The following PITPNM2 variants were observed in gnomAD, a reference collection of about 807,000 sequenced individuals.
PITPNM2 encodes the protein membrane-associated phosphatidylinositol transfer protein 2.
In PITPNM2, 35 loss-of-function variants were observed where a neutral mutation model predicts 132.2. The ratio of observed to expected loss-of-function variants is 0.26; its 90% confidence interval spans 0.20 to 0.35. PITPNM2 has a LOEUF of 0.35. Among genes scored for constraint, PITPNM2 ranks in the 10% least tolerant of loss-of-function variants. The probability of loss-of-function intolerance (pLI) is 1.00; values close to 1 mark genes in which losing one functional copy is unlikely to be tolerated. For synonymous variants in PITPNM2, 738 were observed against 799.2 expected (o/e 0.92, Z 1.29); for missense variants, 1,332 against 1,912.0 (o/e 0.70, Z 5.66).
At position 123,119,795 on chromosome 12, in the gene PITPNM2, C is replaced by CT. The variant is rs112540065; in HGVS notation, c.-199-9308dup. ...AATATTTCTTCTTTTTCTTTTCTTTCTTTTTTTTTTTTTGAGTTTGGGGTG... is the reference window on the plus strand; with the variant it reads ...AATATTTCTTCTTTTTCTTTTCTTTCTTTTTTTTTTTTTTGAGTTTGGGGTG... On this transcript the variant is annotated intron_variant, in intron 1 of 25. Coordinates refer to ENST00000320201, the MANE Select transcript of PITPNM2 (RefSeq NM_020845.3). 6.7e-3 allele frequency among the ~76,000 whole-genome samples: 942 copies of CT among 141,080 alleles called. 2 individuals are homozygous for CT. The highest frequency in any genetic ancestry group is 0.023 in the East Asian group (110 of 4,792). The allele number at this position is 141,080 out of a possible 152,430, so 92.6% of individuals were successfully genotyped here.
chr12:123,000,508 TC>T lies in PITPNM2; in HGVS notation c.1224+269del. ...AATTTACAAGTTTCTCATTTTACTT[TC>T]CCATGGGTGGAGCTTGGATAAGGCT... On this transcript the variant is annotated intron_variant, in intron 10 of 25. Coordinates refer to ENST00000320201, the MANE Select transcript of PITPNM2 (RefSeq NM_020845.3). The surrounding 1 kb of genome is among the most constrained non-coding windows in gnomAD (Gnocchi z 5.4). The T allele has an allele frequency of 1.4e-6, 1 of 701,540 alleles. No homozygotes were observed. The highest frequency in any genetic ancestry group is 2.6e-6 in the Non-Finnish European group (1 of 384,230). The allele number at this position is 701,540 out of a possible 1,614,324, so 43.5% of individuals were successfully genotyped here.
At position 122,986,581 on chromosome 12, in the gene PITPNM2, A is replaced by G; in HGVS notation, c.3598-17T>C. On this transcript the variant is annotated splice_polypyrimidine_tract_variant and intron_variant, in intron 24 of 25. Coordinates refer to ENST00000320201, the MANE Select transcript of PITPNM2 (RefSeq NM_020845.3). ...CAGGTGCAGCTGTGGGGAGACTGGC[A>G]TGGGCACAGGCACCATGGTCCCTCT... is the stretch of plus-strand genomic sequence containing the variant. 2.5e-6 allele frequency: 4 copies of G among 1,598,326 alleles called. No homozygotes were observed. The highest frequency in any genetic ancestry group is 2.2e-5 in the East Asian group (1 of 44,538).
Position 122,984,137 on chromosome 12 carries a change from C to G in PITPNM2, c.*1890G>C, listed in dbSNP as rs2037840157. On this transcript the variant is annotated 3_prime_UTR_variant, in exon 26 of 26. Coordinates refer to ENST00000320201, the MANE Select transcript of PITPNM2 (RefSeq NM_020845.3). ...TTGGCATGGCTGGCGGCTGGGCAGG[C>G]AGGCGGGGAGTGAGGAGCCGTGGGG... 1.3e-5 allele frequency: 2 copies of G among 153,088 alleles called. No homozygotes were observed. The highest frequency in any genetic ancestry group is 4.1e-4 in the South Asian group (2 of 4,836). The allele number at this position is 153,088 out of a possible 1,614,324, so 9.5% of individuals were successfully genotyped here. A position where few individuals can be genotyped will look rare whatever the true frequency, so the allele number is the denominator to read the frequency against.
intron 1 of PITPNM2, among the ~76,000 whole-genome samples, chr12:123,129,335 G>A (rs565081637): frequency 6.6e-5 from 10 of 152,046 alleles, no homozygotes; most frequent in East Asian, 3.9e-4. Flanking sequence ...TTGGGAGGCC[G>A]AGGCGGGCGG....
At position 123,008,361 on chromosome 12, in the gene PITPNM2, G is replaced by A. The variant is rs773245447; in HGVS notation, c.643+1489C>T. Among the ~76,000 whole-genome samples, 6 of 152,216 alleles carry A rather than the reference G, an allele frequency of 3.9e-5. No homozygotes were observed. The highest frequency in any genetic ancestry group is 5.9e-5 in the Non-Finnish European group (4 of 68,038). On this transcript the variant is annotated intron_variant, in intron 6 of 25. Coordinates refer to ENST00000320201, the MANE Select transcript of PITPNM2 (RefSeq NM_020845.3). The surrounding 1 kb of genome is among the most constrained non-coding windows in gnomAD (Gnocchi z 4.1). ...GCTGAACCTAGAGAAGCCTTGAGGAGAGGGTGGGACGAGTCACCAGCGCTG... is the reference window on the plus strand; with the variant it reads ...GCTGAACCTAGAGAAGCCTTGAGGAAAGGGTGGGACGAGTCACCAGCGCTG...
chr12:123,048,957 G>T (rs1592972938), intron 2 of PITPNM2, among the ~76,000 whole-genome samples: 1 of 152,060 alleles, frequency 6.6e-6, no homozygotes, highest in East Asian at 1.9e-4. Flanking sequence ...AACATAGTGA[G>T]ACCCCATTTC....
chr12:123,042,875 G>T lies in PITPNM2; in HGVS notation c.-95-8190C>A, dbSNP rs184157082. 1.5e-3 allele frequency among the ~76,000 whole-genome samples: 221 copies of T among 152,174 alleles called. 1 individual carries two copies. Among genetic ancestry groups the T allele is most frequent in the African/African-American group, 5.2e-3 (216 of 41,528 alleles). ...TGGATGAATGGGAGGCAGCACAGAC[G>T]GATAAGGGGCTGTTCTTTGTCCAGC... On this transcript the variant is annotated intron_variant, in intron 2 of 25. Transcript: ENST00000320201.
chr12:122,988,361 G>C lies in PITPNM2; in HGVS notation c.2881-11C>G. ...GTCATGCCTCATGACCTGGGAAGAG[G>C]GGACAGTGCAGGCTGTGGGGCAGAT... On this transcript the variant is annotated splice_polypyrimidine_tract_variant and intron_variant, in intron 19 of 25. Transcript: ENST00000320201. 1 of 1,611,484 alleles carries C rather than the reference G, an allele frequency of 6.2e-7. No individual in the cohort carries two copies. Among genetic ancestry groups the C allele is most frequent in the Non-Finnish European group, 8.5e-7 (1 of 1,178,504 alleles).
At chr12:122,997,200 G>C (rs1036143688) in intron 11 of PITPNM2, 125 bp downstream of exon 11, 2 of 1,421,050 alleles carry the variant, frequency 1.4e-6, no homozygotes, top group African/African-American at 2.8e-5. Context: ...CCAGGTAGAA[G>C]GGGCTGGCCG....
intron 2 of PITPNM2, among the ~76,000 whole-genome samples, chr12:123,062,309 C>T (rs750919102): frequency 3.9e-5 from 6 of 152,118 alleles, no homozygotes; most frequent in East Asian, 1.9e-4. Context: ...GGTGGTAATA[C>T]GTCCAGTGAG....
chr12:123,028,909 T>C (rs2039967883), intron 3 of PITPNM2, among the ~76,000 whole-genome samples: 1 of 152,028 alleles, frequency 6.6e-6, no homozygotes, highest in African/African-American at 2.4e-5. Context: ...AAGATGGAAA[T>C]TGGGCTGACA....
At chr12:123,142,749 T>C (rs1446507908) in intron 1 of PITPNM2, among the ~76,000 whole-genome samples, 3 of 152,224 alleles carry the variant, frequency 2.0e-5, no homozygotes, top group Admixed American at 6.5e-5. Context: ...CCCCTGCTGA[T>C]TGAATGTTCC....
chr12:123,017,496 A>AT (rs1373673556), intron 3 of PITPNM2, among the ~76,000 whole-genome samples: 8 of 152,244 alleles, frequency 5.3e-5, no homozygotes, highest in Non-Finnish European at 1.2e-4. Context: ...AGATACTTGT[A>AT]CACCAAGCCT....
intron 2 of PITPNM2, among the ~76,000 whole-genome samples, chr12:123,100,139 A>G (rs1443647185): frequency 6.6e-6 from 1 of 152,248 alleles, no homozygotes; most frequent in Non-Finnish European, 1.5e-5. Flanking sequence ...CCAGGCAGTT[A>G]GGTTCTGGAA....
Position 123,062,320 on chromosome 12 carries a change from G to T in PITPNM2, c.-95-27635C>A, listed in dbSNP as rs561657137. On this transcript the variant is annotated intron_variant, in intron 2 of 25. Transcript: ENST00000320201. ...GGGAGGTGGTAATACGTCCAGTGAGGGGGTAGAACACTATGCCTGGCAACC... is the reference window on the plus strand; with the variant it reads ...GGGAGGTGGTAATACGTCCAGTGAGTGGGTAGAACACTATGCCTGGCAACC... Among the ~76,000 whole-genome samples the T allele has an allele frequency of 4.6e-5, 7 of 152,140 alleles. No homozygotes were observed. In the East Asian group the frequency reaches 1.3e-3, roughly 29 times the overall value.
chr12:123,115,053 C>T (rs373799685), intron 1 of PITPNM2, among the ~76,000 whole-genome samples: 164 of 152,300 alleles, frequency 1.1e-3, no homozygotes, highest in African/African-American at 3.9e-3. Context: ...CCAGGCCCTT[C>T]TGAGGCTGGG....
chr12:123,105,631 T>C (rs912539487), intron 2 of PITPNM2: 1 of 152,136 alleles, frequency 6.6e-6, no homozygotes, highest in Non-Finnish European at 1.5e-5. Flanking sequence ...CCGGGAGGCA[T>C]GAGGGCTCAG....
At chr12:123,115,230 C>G (rs942519164) in intron 1 of PITPNM2, among the ~76,000 whole-genome samples, 3 of 152,176 alleles carry the variant, frequency 2.0e-5, no homozygotes, top group African/African-American at 4.8e-5. Flanking sequence ...CCTACTCCCC[C>G]TCCCTTCCAT....
intron 2 of PITPNM2, among the ~76,000 whole-genome samples, chr12:123,035,199 T>C (rs1284703264): frequency 6.6e-6 from 1 of 152,236 alleles, no homozygotes; most frequent in Admixed American, 6.5e-5. Context: ...ATTTAACGTT[T>C]GGTTTCAGTT....
Sources: gnomAD v4.1 joint callset for allele counts (sites outside exome capture counted in the v4.1 genomes callset) on GRCh38, gnomAD v4.1.1 for gene constraint, Gnocchi (gnomAD v3.1) non-coding constraint, MANE v1.5 for transcripts, NCBI Gene and HGNC (gene_info 2026-07-23, HGNC 2026-07-21) for gene names.